The following RIMBP2 variants were observed in gnomAD, a reference collection of about 807,000 sequenced individuals.
RIMBP2 encodes RIMS binding protein 2, also known as RIMS-binding protein 2.
A neutral mutation model predicts 118.6 loss-of-function variants in RIMBP2; 48 were observed. The ratio of observed to expected loss-of-function variants is 0.40; its 90% confidence interval spans 0.32 to 0.51. RIMBP2 has a LOEUF of 0.51. Among genes scored for constraint, RIMBP2 ranks in the 20% least tolerant of loss-of-function variants. The pLI, the probability that RIMBP2 is intolerant of heterozygous loss-of-function variation, is 0.41. For missense variants in RIMBP2, 1,551 were observed against 1,768.3 expected (o/e 0.88, Z 2.20); for synonymous variants, 762 against 742.9 (o/e 1.03, Z -0.42).
At chr12:130,603,899 A>C (rs1264048113) in intron 2 of RIMBP2, among the ~76,000 whole-genome samples, 1 of 150,804 alleles carries the variant, frequency 6.6e-6, no homozygotes, top group Non-Finnish European at 1.5e-5. Context: ...ATATCTCACT[A>C]TGCTCTACTT....
In RIMBP2 at chr12:130,615,349, C is replaced by T. The variant is rs1015942211; in HGVS notation, c.-217+12973G>A. 1.3e-4 allele frequency among the ~76,000 whole-genome samples: 19 copies of T among 147,538 alleles called. No homozygotes were observed. The East Asian group carries it at 3.7e-3, about 28-fold the overall frequency. ...TTTTTGAGATGGAGTCTCACTCTGT[C>T]GCCCAGGCTGGAATGCAGTGGCATG... On this transcript the variant is annotated intron_variant, in intron 2 of 22. Transcript: ENST00000690449.
At position 130,525,444 on chromosome 12, in the gene RIMBP2, G is replaced by C. The variant is rs1277104089; in HGVS notation, c.-216-7527C>G. Among the ~76,000 whole-genome samples, 1 of 150,680 alleles carries C rather than the reference G, an allele frequency of 6.6e-6. No homozygotes were observed. Among genetic ancestry groups the C allele is most frequent in the Non-Finnish European group, 1.5e-5 (1 of 67,998 alleles). ...GCGCAGAGAGACAAGGTCATGCTTAGAGCCTCCTAGGGGCATGGATGACTA... is the reference window on the plus strand; with the variant it reads ...GCGCAGAGAGACAAGGTCATGCTTACAGCCTCCTAGGGGCATGGATGACTA... On this transcript the variant is annotated intron_variant, in intron 2 of 22. Coordinates refer to ENST00000690449, the MANE Select transcript of RIMBP2 (RefSeq NM_001393629.1). The surrounding 1 kb of genome is among the most constrained non-coding windows in gnomAD (Gnocchi z 4.4).
chr12:130,424,954 G>A lies in RIMBP2; in HGVS notation c.2413-96C>T, dbSNP rs1294736401. 3 of 685,564 alleles carry A rather than the reference G, an allele frequency of 4.4e-6. No homozygotes were observed. The East Asian group carries it at 1.0e-4, about 24-fold the overall frequency. 42.5% of individuals were successfully genotyped at this position (685,564 alleles called of 1,614,324 possible). On this transcript the variant is annotated intron_variant, in intron 15 of 22. Coordinates refer to ENST00000690449, the MANE Select transcript of RIMBP2 (RefSeq NM_001393629.1). The surrounding 1 kb of genome is among the most constrained non-coding windows in gnomAD (Gnocchi z 9.8). ...AGGAAAGAAAATACAGACAGAATTAGTCCTGGAGGCACCGAGGGGGGGGAA... is the reference window on the plus strand; with the variant it reads ...AGGAAAGAAAATACAGACAGAATTAATCCTGGAGGCACCGAGGGGGGGGAA...
At chr12:130,435,150 A>C (rs1593281930) in intron 13 of RIMBP2, among the ~76,000 whole-genome samples, 1 of 151,928 alleles carries the variant, frequency 6.6e-6, no homozygotes, top group East Asian at 1.9e-4. Context: ...GGTTCAAGCA[A>C]TTCTCCTGCC....
chr12:130,447,024 G>T lies in RIMBP2; in HGVS notation c.582-1755C>A, dbSNP rs953612399. Among the ~76,000 whole-genome samples the T allele has an allele frequency of 7.9e-5, 12 of 151,006 alleles. No homozygotes were observed. Among genetic ancestry groups the T allele is most frequent in the East Asian group, 5.9e-4 (3 of 5,084 alleles). On this transcript the variant is annotated intron_variant, in intron 9 of 22. Transcript: ENST00000690449. This position sits in a 1 kb window ranked among gnomAD's most constrained non-coding sequence, Gnocchi z 4.4. Reference sequence around the variant, plus strand: ...GGTTTTCAGGGGGATCTGCAGGGGGGTCTGGATGGGTAGATGGCCGAGACA... The same window carrying T: ...GGTTTTCAGGGGGATCTGCAGGGGGTTCTGGATGGGTAGATGGCCGAGACA...
At chr12:130,657,302 A>C (rs1447417382) in intron 1 of RIMBP2, among the ~76,000 whole-genome samples, 1 of 152,214 alleles carries the variant, frequency 6.6e-6, no homozygotes, top group Non-Finnish European at 1.5e-5. Flanking sequence ...AAATAAGGTC[A>C]CATTCACAGG....
intron 1 of RIMBP2, among the ~76,000 whole-genome samples, chr12:130,671,712 C>A (rs1443600181): frequency 6.6e-6 from 1 of 150,590 alleles, no homozygotes; most frequent in Admixed American, 6.6e-5. Flanking sequence ...CACGTCCCCA[C>A]CCCCACCCCA....
At chr12:130,517,965 G>T (rs1483870140) in intron 2 of RIMBP2, 48 bp from the exon 3 acceptor site, 1 of 810,476 alleles carries the variant, frequency 1.2e-6, no homozygotes, top group Non-Finnish European at 1.5e-6. Flanking sequence ...CATGTTTAGA[G>T]ACTTGGTAGA....
At chr12:130,535,782 T>C (rs113425587) in intron 2 of RIMBP2, among the ~76,000 whole-genome samples, 17,407 of 129,812 alleles carry the variant, frequency 0.13, 1,822 homozygotes, top group African/African-American at 0.29. Context: ...TATATATATA[T>C]ACACATATTT....
chr12:130,500,052 T>C (rs1462420758), intron 4 of RIMBP2, among the ~76,000 whole-genome samples: 2 of 152,242 alleles, frequency 1.3e-5, no homozygotes, highest in African/African-American at 2.4e-5. Flanking sequence ...AGCCAGTGCC[T>C]GAGGTAAACA....
chr12:130,540,649 A>G (rs548602745), intron 2 of RIMBP2, among the ~76,000 whole-genome samples: 1 of 152,160 alleles, frequency 6.6e-6, no homozygotes, highest in South Asian at 2.1e-4. Flanking sequence ...CTCCCTGCCT[A>G]ATTCCTGTTT....
intron 2 of RIMBP2, among the ~76,000 whole-genome samples, chr12:130,588,037 A>G (rs921015144): frequency 6.6e-6 from 1 of 151,842 alleles, no homozygotes; most frequent in Admixed American, 6.6e-5. Flanking sequence ...CAGCATCTCA[A>G]TCCCGTTCCT....
chr12:130,675,984 C>T (rs955250320), intron 1 of RIMBP2, among the ~76,000 whole-genome samples: 6 of 152,210 alleles, frequency 3.9e-5, no homozygotes, highest in Admixed American at 2.0e-4. Flanking sequence ...ATGGCATTAG[C>T]GCGCCATAAG....
chr12:130,474,540 C>G lies in RIMBP2; in HGVS notation c.103-3797G>C, dbSNP rs115595710. Among the ~76,000 whole-genome samples, 779 of 152,320 alleles carry G rather than the reference C, an allele frequency of 5.1e-3. 9 individuals are homozygous for G. Among genetic ancestry groups the G allele is most frequent in the African/African-American group, 0.018 (739 of 41,584 alleles). On this transcript the variant is annotated intron_variant, in intron 5 of 22. Transcript: ENST00000690449. ...GTCGGCAAACAGCCACATGAGCGAG[C>G]AGGCATGTTTTGGCATCAGTAAATG... is the stretch of plus-strand genomic sequence containing the variant.
intron 1 of RIMBP2, among the ~76,000 whole-genome samples, chr12:130,654,398 A>G (rs193158159): frequency 6.6e-6 from 1 of 152,220 alleles, no homozygotes; most frequent in Non-Finnish European, 1.5e-5. Flanking sequence ...CTTAGGCATA[A>G]TATGGGTGAT....
Position 130,482,132 on chromosome 12 carries a change from C to T in RIMBP2, c.-3-3116G>A, listed in dbSNP as rs73446545. Among the ~76,000 whole-genome samples the T allele has an allele frequency of 6.7e-3, 1,022 of 152,324 alleles. 14 individuals carry two copies. The highest frequency in any genetic ancestry group is 0.023 in the African/African-American group (972 of 41,578). ...CCAAACCCTGGCTGCCACCTCAGTG[C>T]GGTGTGGCTTTGCTCTGGTGTCAGG... On this transcript the variant is annotated intron_variant, in intron 4 of 22. Coordinates refer to ENST00000690449, the MANE Select transcript of RIMBP2 (RefSeq NM_001393629.1).
At chr12:130,506,195 T>C (rs1227318604) in intron 4 of RIMBP2, among the ~76,000 whole-genome samples, 2 of 152,128 alleles carry the variant, frequency 1.3e-5, no homozygotes, top group East Asian at 1.9e-4. Flanking sequence ...CAGGAATGCA[T>C]GAGGAACATC....
chr12:130,715,215 G>T (rs544732660), intron 1 of RIMBP2, among the ~76,000 whole-genome samples: 1 of 152,340 alleles, frequency 6.6e-6, no homozygotes, highest in South Asian at 2.1e-4. Context: ...GAAATATGGG[G>T]CTGGACAGGG....
chr12:130,490,936 C>T (rs1295937148), intron 4 of RIMBP2, among the ~76,000 whole-genome samples: 1 of 152,208 alleles, frequency 6.6e-6, no homozygotes, highest in Non-Finnish European at 1.5e-5. Context: ...GCGGTCTACA[C>T]AGCAGCTCCC....
Sources: allele counts gnomAD v4.1 joint callset (sites outside exome capture counted in the v4.1 genomes callset), GRCh38; gene constraint gnomAD v4.1.1; non-coding constraint Gnocchi (gnomAD v3.1); transcripts MANE v1.5; gene names NCBI Gene and HGNC (gene_info 2026-07-23, HGNC 2026-07-21).